Variants in GRIK2 observed in about 807,000 individuals in gnomAD.
GRIK2 encodes the protein glutamate ionotropic receptor kainate type subunit 2, also known as glutamate receptor ionotropic, kainate 2.
A neutral mutation model predicts 100.3 loss-of-function variants in GRIK2; 32 were observed. The ratio of observed to expected loss-of-function variants is 0.32; its 90% CI spans 0.24 to 0.43. GRIK2 has a LOEUF of 0.43. Ranked by LOEUF, GRIK2 falls within the 20% of genes least tolerant of loss-of-function variation. GRIK2 has a pLI of 1.00. For synonymous variants in GRIK2, 417 were observed against 389.4 expected (o/e 1.07, Z -0.83); for missense variants, 843 against 1,114.9 (o/e 0.76, Z 3.47).
At chr6:101,923,092 T>G (rs1007294671) in intron 12 of GRIK2, among the ~76,000 whole-genome samples, 1 of 152,184 alleles carries the variant, frequency 6.6e-6, no homozygotes, top group Non-Finnish European at 1.5e-5. Flanking sequence ...GGATAGGCTA[T>G]TAAAACAAGG....
At chr6:102,020,463 G>T (rs922530760) in intron 14 of GRIK2, among the ~76,000 whole-genome samples, 4 of 151,818 alleles carry the variant, frequency 2.6e-5, no homozygotes, top group Non-Finnish European at 5.9e-5. Context: ...AGGGTAAGGA[G>T]ATTCTAGCTA....
chr6:101,896,127 G>A (rs1450301517), intron 12 of GRIK2, among the ~76,000 whole-genome samples: 1 of 151,604 alleles, frequency 6.6e-6, no homozygotes, highest in Non-Finnish European at 1.5e-5. Context: ...GTTTATGGTT[G>A]CAAGTATATG....
chr6:101,672,396 C>T (rs1351228087), intron 4 of GRIK2, among the ~76,000 whole-genome samples: 2 of 152,116 alleles, frequency 1.3e-5, no homozygotes, highest in Non-Finnish European at 2.9e-5. Context: ...AAGTCAGAAA[C>T]TTCCCAGACT....
At chr6:101,759,321 T>A (rs970703181) in intron 7 of GRIK2, among the ~76,000 whole-genome samples, 2 of 152,208 alleles carry the variant, frequency 1.3e-5, no homozygotes, top group Non-Finnish European at 2.9e-5. Flanking sequence ...ACAATTGCTA[T>A]TTTTTATTTT....
At chr6:101,789,865 A>G (rs1583154439) in intron 7 of GRIK2, among the ~76,000 whole-genome samples, 3 of 151,990 alleles carry the variant, frequency 2.0e-5, no homozygotes, top group Admixed American at 1.3e-4. Context: ...ATTTATTTGT[A>G]TCCTCTTTTA....
intron 2 of GRIK2, among the ~76,000 whole-genome samples, chr6:101,457,807 C>T (rs1021425665): frequency 6.6e-5 from 10 of 152,094 alleles, no homozygotes; most frequent in African/African-American, 2.4e-4. Context: ...CTTGATTAAA[C>T]AGTCACTCCC....
chr6:102,024,959 A>G (rs1769617834), intron 14 of GRIK2, among the ~76,000 whole-genome samples: 1 of 149,842 alleles, frequency 6.7e-6, no homozygotes, highest in Non-Finnish European at 1.5e-5. Context: ...ATAAAAATAA[A>G]AAACAAAAAT....
intron 7 of GRIK2, among the ~76,000 whole-genome samples, chr6:101,742,920 C>T (rs1776136712): frequency 1.3e-5 from 2 of 152,256 alleles, no homozygotes; most frequent in Middle Eastern, 3.4e-3. Context: ...ATTTTAAGAG[C>T]CCTGGCTGAG....
At chr6:101,832,452 C>T (rs1241887819) in intron 10 of GRIK2, among the ~76,000 whole-genome samples, 1 of 152,146 alleles carries the variant, frequency 6.6e-6, no homozygotes, top group Non-Finnish European at 1.5e-5. Context: ...ACAATCATTT[C>T]CAACCAATAA....
chr6:101,990,961 A>C (rs1367888624), intron 14 of GRIK2, among the ~76,000 whole-genome samples: 7 of 151,800 alleles, frequency 4.6e-5, no homozygotes. Context: ...AATAAATTAC[A>C]TCAATAAATA....
At chr6:101,766,929 G>C (rs1024544439) in intron 7 of GRIK2, among the ~76,000 whole-genome samples, 1 of 152,194 alleles carries the variant, frequency 6.6e-6, no homozygotes, top group Non-Finnish European at 1.5e-5. Flanking sequence ...ATGCATGGCT[G>C]GTGTTTGTAG....
At chr6:101,775,935 G>T (rs1778721182) in intron 7 of GRIK2, among the ~76,000 whole-genome samples, 1 of 151,932 alleles carries the variant, frequency 6.6e-6, no homozygotes, top group Non-Finnish European at 1.5e-5. Context: ...ATTTCATCAT[G>T]CAGTTTCTGA....
chr6:101,570,164 C>T lies in GRIK2; in HGVS notation c.116-51785C>T, dbSNP rs1208874215. On this transcript the variant is annotated intron_variant, in intron 2 of 16. Coordinates refer to ENST00000369134, the MANE Select transcript of GRIK2 (RefSeq NM_021956.5). The stretch of plus-strand genomic sequence containing the variant: ...GGCTCAAGTTTGAATCTCAGTCCTC[C>T]CACTTCCATGATCTCTATACAGTTT... Among the ~76,000 whole-genome samples, 3 of 152,024 alleles carry T rather than the reference C, an allele frequency of 2.0e-5. No homozygotes were observed. In the East Asian group the frequency reaches 5.8e-4, roughly 29 times the overall value.
chr6:101,825,298 C>T (rs559971883), intron 10 of GRIK2, among the ~76,000 whole-genome samples: 1 of 152,298 alleles, frequency 6.6e-6, no homozygotes, highest in Admixed American at 6.5e-5. Context: ...GCTGGTACTA[C>T]ATTTCTCTCT....
chr6:102,068,114 C>A (rs531436598), intron 16 of GRIK2, among the ~76,000 whole-genome samples: 29 of 151,814 alleles, frequency 1.9e-4, no homozygotes, highest in African/African-American at 7.0e-4. Flanking sequence ...GCTGGTTGTT[C>A]ATTTCAGTAT....
rs189069414 is a variant in GRIK2 at position 101,874,695 on chromosome 6, C to T, written c.1525-14945C>T. Among the ~76,000 whole-genome samples the T allele has an allele frequency of 7.5e-4, 114 of 151,926 alleles. 1 individual carries two copies. The highest frequency in any genetic ancestry group is 2.5e-3 in the African/African-American group (103 of 41,482). On this transcript the variant is annotated intron_variant, in intron 11 of 16. Coordinates refer to ENST00000369134, the MANE Select transcript of GRIK2 (RefSeq NM_021956.5). ...CTATAAATTACCTTGGGCAGTATGG[C>T]CATTTTCACGATATTGATTCTTCCT...
At chr6:101,786,826 C>T (rs1779454491) in intron 7 of GRIK2, among the ~76,000 whole-genome samples, 1 of 152,040 alleles carries the variant, frequency 6.6e-6, no homozygotes, top group Non-Finnish European at 1.5e-5. Flanking sequence ...TAATACTGAC[C>T]TCATAAAATG....
intron 14 of GRIK2, among the ~76,000 whole-genome samples, chr6:101,975,793 G>A (rs200431154): frequency 1.2e-3 from 117 of 96,970 alleles, no homozygotes; most frequent in Middle Eastern, 5.2e-3. Context: ...CTGTCTGTCT[G>A]TCTATCTATC....
chr6:101,399,276 C>G lies in GRIK2; in HGVS notation c.-2C>G. The G allele has an allele frequency of 7.0e-7, 1 of 1,436,780 alleles. No homozygotes were observed. Among genetic ancestry groups the G allele is most frequent in the Non-Finnish European group, 9.8e-7 (1 of 1,018,042 alleles). The allele number at this position is 1,436,780 out of a possible 1,614,324, so 89.0% of individuals were successfully genotyped here. On this transcript the variant is annotated 5_prime_UTR_variant, in exon 2 of 17. Coordinates refer to ENST00000369134, the MANE Select transcript of GRIK2 (RefSeq NM_021956.5). The stretch of plus-strand genomic sequence containing the variant: ...TGCCGTGCGTGTGGGCACAGAAACA[C>G]CATGAAGATTATTTTCCCGATTCTA...
Sources: allele counts gnomAD v4.1 joint callset (sites outside exome capture counted in the v4.1 genomes callset), GRCh38; gene constraint gnomAD v4.1.1; transcripts MANE v1.5; gene names NCBI Gene and HGNC (gene_info 2026-07-23, HGNC 2026-07-21).